The following NBPF26 variants were observed in gnomAD, a reference collection of about 807,000 sequenced individuals.
NBPF26 encodes NBPF member 26.
Under a neutral mutation model 119.6 loss-of-function variants are expected in NBPF26, and 79 were observed. That is an observed-to-expected ratio of 0.66 (90% confidence interval 0.55 to 0.80). The LOEUF is 0.80. NBPF26 is among the 30% of genes least tolerant of loss of function. NBPF26 has a pLI of 0.00. For missense variants in NBPF26, 800 were observed against 1,198.2 expected (o/e 0.67, Z 4.91); for synonymous variants, 299 against 457.7 (o/e 0.65, Z 4.43).
intron 18 of NBPF26, among the ~76,000 whole-genome samples, 178 bp from the exon 20 acceptor site, chr1:120,825,336 C>G (rs1240005451): frequency 8.2e-6 from 1 of 122,384 alleles, no homozygotes; most frequent in South Asian, 2.3e-4. Flanking sequence ...CTTTCTCTTT[C>G]GTTCTTTTCT....
At chr1:120,758,967 C>CA (rs1252626477) in intron 1 of NBPF26, among the ~76,000 whole-genome samples, 1 of 107,894 alleles carries the variant, frequency 9.3e-6, no homozygotes, top group Non-Finnish European at 1.7e-5. Context: ...GTTTTGTTTC[C>CA]AATGGAACTT....
exon 30 of NBPF26, chr1:120,840,358 G>T (rs1553273411): frequency 0.065 from 94,670 of 1,450,618 alleles, 22,844 homozygotes; most frequent in Non-Finnish European, 0.074. Flanking sequence ...AGGCTCAACA[G>T]CATGCTGATG....
At position 120,805,493 on chromosome 1, in the gene NBPF26, G is replaced by A. The variant is rs1553269639; in HGVS notation, c.752-63G>A. On this transcript the variant is annotated intron_variant, in intron 4 of 29. Coordinates refer to ENST00000620612, the Ensembl canonical transcript of NBPF26. ...TCAGTTACTGACATCCCTCAGTCCT[G>A]ATTAAACCGATTTGATTTCACCAGT... is the stretch of plus-strand genomic sequence containing the variant. 79 of 1,326,700 alleles carry A rather than the reference G, an allele frequency of 6.0e-5. 13 individuals are homozygous for A. The highest frequency in any genetic ancestry group is 7.9e-5 in the Non-Finnish European group (76 of 962,514). 82.2% of individuals were successfully genotyped at this position (1,326,700 alleles called of 1,614,324 possible).
chr1:120,777,529 A>G lies in NBPF26; in HGVS notation c.156-7445A>G, dbSNP rs1651312758. Reference sequence around the variant, plus strand: ...CAACTAGTAAGGCCCTAGAAAAACTACACTAGAAAGTGTGTTTTACCACAA... The same window carrying G: ...CAACTAGTAAGGCCCTAGAAAAACTGCACTAGAAAGTGTGTTTTACCACAA... On this transcript the variant is annotated intron_variant, in intron 2 of 29. Coordinates refer to ENST00000620612, the Ensembl canonical transcript of NBPF26. Among the ~76,000 whole-genome samples the G allele has an allele frequency of 2.7e-5, 3 of 109,504 alleles. 1 individual carries two copies. Among genetic ancestry groups the G allele is most frequent in the African/African-American group, 1.7e-4 (3 of 17,788 alleles). The allele number at this position is 109,504 out of a possible 152,430, so 71.8% of individuals were successfully genotyped here.
At chr1:120,820,447 AATAT>A (rs1229895629) in intron 15 of NBPF26, among the ~76,000 whole-genome samples, 906 of 10,838 alleles carry the variant, frequency 0.084, 161 homozygotes, top group Middle Eastern at 0.28. Context: ...AAGTATTAAA[AATAT>A]ATATATATAT....
At chr1:120,783,976 C>A (rs1413010257) in intron 2 of NBPF26, among the ~76,000 whole-genome samples, 2 of 109,334 alleles carry the variant, frequency 1.8e-5, no homozygotes, top group Non-Finnish European at 3.4e-5. Context: ...AGTTTCTAAG[C>A]AATAATTAGA....
In NBPF26 at chr1:120,784,947, T is replaced by C; in HGVS notation, c.156-27T>C. The C allele has an allele frequency of 2.3e-6, 3 of 1,317,094 alleles. 1 individual carries two copies. The East Asian group carries it at 7.2e-5, about 31-fold the overall frequency. The allele number at this position is 1,317,094 out of a possible 1,614,324, so 81.6% of individuals were successfully genotyped here. On this transcript the variant is annotated intron_variant, in intron 2 of 29. Transcript: ENST00000620612. ...TGGACTTACAAGAAGTCAGGTGTTT[T>C]CATGGACTCTTCTCTTTTCCATACA...
Position 120,811,351 on chromosome 1 carries a change from G to A in NBPF26, c.1565-535G>A, listed in dbSNP as rs1316059110. 1.7e-4 allele frequency among the ~76,000 whole-genome samples: 19 copies of A among 111,208 alleles called. 3 individuals are homozygous for A. The highest frequency in any genetic ancestry group is 3.9e-3 in the Middle Eastern group (1 of 256). The allele number at this position is 111,208 out of a possible 152,430, so 73.0% of individuals were successfully genotyped here. A position where few individuals can be genotyped will look rare whatever the true frequency, so the allele number is the denominator to read the frequency against. On this transcript the variant is annotated intron_variant, in intron 9 of 29. Transcript: ENST00000620612. ...ACCTGAGCTCAGGAGTTCAAAACCA[G>A]CCTGTCCAAGATGGCGAAACCCCAT...
In NBPF26 at chr1:120,728,929, A is replaced by G. The variant is rs1650845817; in HGVS notation, c.73+4679A>G. 1.8e-5 allele frequency among the ~76,000 whole-genome samples: 2 copies of G among 111,562 alleles called. 1 individual carries two copies. Among genetic ancestry groups the G allele is most frequent in the Non-Finnish European group, 3.4e-5 (2 of 59,442 alleles). 73.2% of individuals were successfully genotyped at this position (111,562 alleles called of 152,430 possible). A position where few individuals can be genotyped will look rare whatever the true frequency, so the allele number is the denominator to read the frequency against. On this transcript the variant is annotated intron_variant, in intron 1 of 29. Transcript: ENST00000620612. Reference sequence around the variant, plus strand: ...CATGGTGTTGAGTTGTCTCTGCCACATGATTTTGATCCTTGAGGGCCAGGT... The same window carrying G: ...CATGGTGTTGAGTTGTCTCTGCCACGTGATTTTGATCCTTGAGGGCCAGGT...
At chr1:120,785,210 G>A in exon 3 of NBPF26, 2 of 1,445,564 alleles carry the variant, frequency 1.4e-6, no homozygotes, top group Non-Finnish European at 1.8e-6. Context: ...ACCTATGAGT[G>A]CACCTGTCAA....
chr1:120,806,857 T>A (rs1571034142), intron 5 of NBPF26, among the ~76,000 whole-genome samples: 2 of 122,492 alleles, frequency 1.6e-5, no homozygotes, highest in East Asian at 4.0e-4. Flanking sequence ...AATACCTACC[T>A]CTGTAAATTG....
chr1:120,807,892 C>T lies in NBPF26; in HGVS notation c.1064+183C>T, dbSNP rs1297179501. On this transcript the variant is annotated intron_variant, in intron 6 of 29. Coordinates refer to ENST00000620612, the Ensembl canonical transcript of NBPF26. ...GAGGATAGTAAAAATGTATGGGTTG[C>T]AGTTGTTTCTCAGAGCCTTGTTTTC... is the stretch of plus-strand genomic sequence containing the variant. Among the ~76,000 whole-genome samples the T allele has an allele frequency of 5.0e-5, 6 of 121,110 alleles. 1 individual carries two copies. Among genetic ancestry groups the T allele is most frequent in the Admixed American group, 8.0e-5 (1 of 12,428 alleles). The allele number at this position is 121,110 out of a possible 152,430, so 79.5% of individuals were successfully genotyped here.
chr1:120,748,152 C>A (rs2101374874), intron 1 of NBPF26, among the ~76,000 whole-genome samples: 2 of 32,974 alleles, frequency 6.1e-5, no homozygotes, highest in Non-Finnish European at 1.0e-4. Context: ...GTCTTTCCAC[C>A]TTAACTAGCA....
At chr1:120,820,452 A>ATG (rs1652107716) in intron 15 of NBPF26, among the ~76,000 whole-genome samples, 1 of 10,078 alleles carries the variant, frequency 9.9e-5, no homozygotes, top group African/African-American at 2.5e-4. Flanking sequence ...TTAAAAATAT[A>ATG]TATATATATA....
intron 14 of NBPF26, 90 bp downstream of exon 14, chr1:120,816,917 G>A: frequency 7.5e-7 from 1 of 1,338,630 alleles, no homozygotes; most frequent in Non-Finnish European, 1.0e-6. Context: ...AAATTCATTT[G>A]AATAAAAAAC....
intron 23 of NBPF26, among the ~76,000 whole-genome samples, chr1:120,833,378 T>C (rs1652402644): frequency 3.8e-5 from 3 of 79,112 alleles, no homozygotes. Context: ...TCTCTGTCTC[T>C]GTCTCTCTCT....
At chr1:120,840,711 A>C, downstream of NBPF26, 1 of 1,237,266 alleles carries the variant, frequency 8.1e-7, no homozygotes, top group Middle Eastern at 2.8e-4. Flanking sequence ...TTCAGTGGGC[A>C]TGGCTCTATT....
At position 120,727,331 on chromosome 1, in the gene NBPF26, C is replaced by T. The variant is rs1254569924; in HGVS notation, c.73+3081C>T. 1.8e-4 allele frequency among the ~76,000 whole-genome samples: 20 copies of T among 109,056 alleles called. 2 individuals carry two copies. In the South Asian group the frequency reaches 5.5e-3, roughly 30 times the overall value. The allele number at this position is 109,056 out of a possible 152,430, so 71.5% of individuals were successfully genotyped here. On this transcript the variant is annotated intron_variant, in intron 1 of 29. Coordinates refer to ENST00000620612, the Ensembl canonical transcript of NBPF26. ...CTTCAGGTGTGTGTATGAGGTCTTT[C>T]TAAATTTAAGAAATTTCCATAACAA... is the stretch of plus-strand genomic sequence containing the variant.
downstream of NBPF26, chr1:120,840,830 A>C: frequency 1.9e-6 from 1 of 537,816 alleles, no homozygotes; most frequent in Admixed American, 3.6e-5. Flanking sequence ...GGGAGTGATC[A>C]GTCAGACATT....
Sources: gnomAD v4.1 joint callset for allele counts (sites outside exome capture counted in the v4.1 genomes callset) on GRCh38, gnomAD v4.1.1 for gene constraint, MANE v1.5 for transcripts, NCBI Gene and HGNC (gene_info 2026-07-23, HGNC 2026-07-21) for gene names.